PHKA1: variants seen among roughly 807,000 people sequenced by gnomAD.
The protein encoded by PHKA1 is phosphorylase b kinase regulatory subunit alpha, skeletal muscle isoform.
Under a neutral mutation model 110.2 loss-of-function variants are expected in PHKA1, and 60 were observed. That is an observed-to-expected ratio of 0.54 (90% CI 0.44 to 0.68). The LOEUF is 0.68. Among genes scored for constraint, PHKA1 ranks in the 30% least tolerant of loss-of-function variants. The pLI, the probability that PHKA1 is intolerant of heterozygous loss-of-function variation, is 0.00. For missense variants in PHKA1, 801 were observed against 942.5 expected (o/e 0.85, Z 1.97); for synonymous variants, 316 against 333.6 (o/e 0.95, Z 0.58).
intron 6 of PHKA1, among the ~76,000 whole-genome samples, chrX:72,673,265 G>A (rs1380949298): frequency 4.5e-5 from 5 of 111,524 alleles, no homozygotes; most frequent in African/African-American, 1.3e-4. Context: ...GGGGCATCAT[G>A]TCTGCAATGT....
Position 72,581,116 on chromosome X carries a change from A to G in PHKA1, c.3558T>C (p.Thr1186=), listed in dbSNP as rs781917898. Reference sequence around the variant, plus strand: ...CACTGGGTGCACTGTCATACAGAAGAGTACAGATGCCAGATGCGGGATCCT... The same window carrying G: ...CACTGGGTGCACTGTCATACAGAAGGGTACAGATGCCAGATGCGGGATCCT... The part of the protein sequence containing the change: ...LAKDPASGIC[T]LLYDSAPSGR... The change falls in exon 32 of 32, where the codon ACT becomes ACC. Residue 1186 remains threonine (T), a synonymous_variant. Transcript: ENST00000373542. 2.5e-6 allele frequency: 3 copies of G among 1,195,199 alleles called. No individual in the cohort carries two copies. The highest frequency in any genetic ancestry group is 3.5e-5 in the South Asian group (2 of 56,423).
intron 2 of PHKA1, among the ~76,000 whole-genome samples, chrX:72,711,024 G>A (rs955951095): frequency 9.5e-6 from 1 of 105,818 alleles, no homozygotes; most frequent in Admixed American, 1.0e-4. Context: ...ACCACGCCCG[G>A]CTAATTTTTT....
At chrX:72,611,778 G>T (rs1357659459) in intron 21 of PHKA1, among the ~76,000 whole-genome samples, 1 of 112,077 alleles carries the variant, frequency 8.9e-6, no homozygotes, top group East Asian at 2.8e-4. Flanking sequence ...AGTCCCTAAA[G>T]TTGATAACAC....
chrX:72,592,906 T>C (rs1165534120), intron 29 of PHKA1, among the ~76,000 whole-genome samples, 198 bp downstream of exon 29: 1 of 112,691 alleles, frequency 8.9e-6, no homozygotes, highest in Non-Finnish European at 1.9e-5. Context: ...GCAACAATAA[T>C]AGAAAGAGAC....
intron 8 of PHKA1, among the ~76,000 whole-genome samples, chrX:72,658,822 C>T (rs782329403): frequency 1.8e-5 from 2 of 112,215 alleles, no homozygotes; most frequent in South Asian, 7.5e-4. Context: ...TCAATGTGTC[C>T]TATTACTGGT....
chrX:72,587,018 A>C (rs1040559201), intron 29 of PHKA1, among the ~76,000 whole-genome samples: 6 of 111,437 alleles, frequency 5.4e-5, no homozygotes, highest in Non-Finnish European at 1.9e-5. Context: ...GCAGGATACT[A>C]TCCAGGAGAA....
At chrX:72,631,824 G>A (rs1217565692) in intron 16 of PHKA1, among the ~76,000 whole-genome samples, 1 of 111,176 alleles carries the variant, frequency 9.0e-6, no homozygotes, top group Non-Finnish European at 1.9e-5. Flanking sequence ...GGAGAAGTGA[G>A]TCTATGCCAT....
At chrX:72,622,201 G>A (rs184592670) in intron 18 of PHKA1, 2 of 751,326 alleles carry the variant, frequency 2.7e-6, no homozygotes, top group East Asian at 3.1e-4. Flanking sequence ...AGTAAATGTC[G>A]GGCCCAAAAA....
intron 4 of PHKA1, among the ~76,000 whole-genome samples, chrX:72,693,255 A>G (rs902011820): frequency 7.1e-5 from 8 of 112,108 alleles, no homozygotes; most frequent in Admixed American, 3.8e-4. Flanking sequence ...AAAATGTTCC[A>G]TGTGCCATTG....
At chrX:72,696,109 C>T (rs1448175164) in intron 3 of PHKA1, among the ~76,000 whole-genome samples, 2 of 111,631 alleles carry the variant, frequency 1.8e-5, no homozygotes, top group African/African-American at 6.5e-5. Flanking sequence ...ACCAAATAGT[C>T]AAAAACAGCT....
At chrX:72,681,323 G>A (rs868931252) in intron 5 of PHKA1, among the ~76,000 whole-genome samples, 28 of 110,447 alleles carry the variant, frequency 2.5e-4, no homozygotes, top group Non-Finnish European at 3.5e-4. Flanking sequence ...GAGCCCCTCC[G>A]CCCGGCAGCT....
chrX:72,691,944 A>G (rs1603273214), intron 4 of PHKA1, among the ~76,000 whole-genome samples: 1 of 112,110 alleles, frequency 8.9e-6, no homozygotes, highest in South Asian at 3.7e-4. Flanking sequence ...ATTCTGATCT[A>G]TGGGGAAAAG....
At chrX:72,581,939 T>G (rs1318343612) in intron 31 of PHKA1, among the ~76,000 whole-genome samples, 3 of 111,975 alleles carry the variant, frequency 2.7e-5, no homozygotes, top group Non-Finnish European at 1.9e-5. Context: ...ATAAGAAAAA[T>G]GTAGGAGTAA....
At chrX:72,596,230 ATG>A (rs2052587557) in intron 28 of PHKA1, among the ~76,000 whole-genome samples, 1 of 111,902 alleles carries the variant, frequency 8.9e-6, no homozygotes, top group African/African-American at 3.2e-5. Context: ...CAGTTATGTA[ATG>A]TATCTGAAAC....
At chrX:72,680,587 A>AGGAAATAATGCC (rs1556313930) in intron 5 of PHKA1, among the ~76,000 whole-genome samples, 10 of 110,550 alleles carry the variant, frequency 9.0e-5, no homozygotes, top group African/African-American at 3.4e-4. Context: ...ATGTTAAAGA[A>AGGAAATAATGCC]AGTTTTTCGA....
intron 3 of PHKA1, among the ~76,000 whole-genome samples, chrX:72,704,707 G>A (rs781936129): frequency 3.6e-5 from 4 of 110,729 alleles, no homozygotes; most frequent in African/African-American, 9.9e-5. Flanking sequence ...CTTCACCCCC[G>A]CTAACCCCAA....
chrX:72,626,528 A>AT (rs1268145808), intron 17 of PHKA1, among the ~76,000 whole-genome samples: 2 of 111,303 alleles, frequency 1.8e-5, no homozygotes, highest in Non-Finnish European at 3.8e-5. Flanking sequence ...GGATGGGATT[A>AT]TGTTATCGAA....
chrX:72,696,575 G>C (rs943446950), intron 3 of PHKA1, among the ~76,000 whole-genome samples: 8 of 111,361 alleles, frequency 7.2e-5, no homozygotes, highest in Non-Finnish European at 1.3e-4. Flanking sequence ...CCCAGTTGTG[G>C]GGCGTTGCTT....
intron 10 of PHKA1, 128 bp downstream of exon 10, chrX:72,655,992 G>T: frequency 1.4e-6 from 1 of 724,894 alleles, no homozygotes; most frequent in Non-Finnish European, 2.2e-6. Flanking sequence ...TCAACTAGTA[G>T]CCTGTAGGGA....
Sources: gnomAD v4.1 joint callset for allele counts (sites outside exome capture counted in the v4.1 genomes callset) on GRCh38, gnomAD v4.1.1 for gene constraint, MANE v1.5 for transcripts, NCBI Gene and HGNC (gene_info 2026-07-23, HGNC 2026-07-21) for gene names.